CDK19: variants seen among roughly 807,000 people sequenced by gnomAD.
The protein encoded by CDK19 is cyclin dependent kinase 19, also known as cyclin-dependent kinase 19.
Under a neutral mutation model 68.3 loss-of-function variants are expected in CDK19, and 20 were observed. The observed-to-expected ratio is 0.29, with a 90% CI of 0.21 to 0.43. The LOEUF is 0.43. Ranked by LOEUF, CDK19 falls within the 20% of genes least tolerant of loss-of-function variation. CDK19 has a pLI of 1.00. For missense variants in CDK19, 339 were observed against 623.5 expected (o/e 0.54, Z 4.86); for synonymous variants, 221 against 222.8 (o/e 0.99, Z 0.07).
intron 4 of CDK19, among the ~76,000 whole-genome samples, chr6:110,664,040 C>CT (rs1308734954): frequency 7.2e-5 from 11 of 152,262 alleles, no homozygotes; most frequent in African/African-American, 2.6e-4. Flanking sequence ...TGCTCACAAA[C>CT]TGTCAGTACT....
At chr6:110,659,654 T>C (rs1032276709) in intron 4 of CDK19, among the ~76,000 whole-genome samples, 1 of 152,212 alleles carries the variant, frequency 6.6e-6, no homozygotes, top group Non-Finnish European at 1.5e-5. Flanking sequence ...AGTGATAAAT[T>C]CTGGACCTCA....
intron 1 of CDK19, among the ~76,000 whole-genome samples, chr6:110,781,825 G>A (rs1223476583): frequency 6.7e-6 from 1 of 148,168 alleles, no homozygotes; most frequent in African/African-American, 2.5e-5. Context: ...GACAACGTGA[G>A]ACCCTGTCTC....
Position 110,815,223 on chromosome 6 carries a change from T to G in CDK19, c.-87A>C. ...CCTCCCCCCGCGACCGCCGCTCCAC[T>G]TCTCCAACAGCCGCCTCTCGCGCGC... On this transcript the variant is annotated 5_prime_UTR_variant, in exon 1 of 13. Coordinates refer to ENST00000368911, the MANE Select transcript of CDK19 (RefSeq NM_015076.5). 4 of 1,341,206 alleles carry G rather than the reference T, an allele frequency of 3.0e-6. No individual in the cohort carries two copies. Among genetic ancestry groups the G allele is most frequent in the Admixed American group, 3.2e-5 (1 of 30,964 alleles). 83.1% of individuals were successfully genotyped at this position (1,341,206 alleles called of 1,614,324 possible).
At chr6:110,675,633 A>C (rs1027426253) in intron 2 of CDK19, among the ~76,000 whole-genome samples, 1 of 150,298 alleles carries the variant, frequency 6.7e-6, no homozygotes, top group Non-Finnish European at 1.5e-5. Context: ...ATCTCAAAAA[A>C]AAAAAAAAAA....
intron 2 of CDK19, among the ~76,000 whole-genome samples, chr6:110,715,701 G>T (rs2114713321): frequency 6.6e-6 from 1 of 152,238 alleles, no homozygotes; most frequent in Non-Finnish European, 1.5e-5. Context: ...GGTCAGGCTG[G>T]TCTCAAACTC....
intron 4 of CDK19, among the ~76,000 whole-genome samples, chr6:110,651,045 T>C (rs1582780034): frequency 6.6e-6 from 1 of 151,864 alleles, no homozygotes; most frequent in South Asian, 2.1e-4. Flanking sequence ...AGCAAAGAGG[T>C]CAATGTAAGA....
At chr6:110,759,428 A>AATATAAATATAT in intron 1 of CDK19, among the ~76,000 whole-genome samples, 1 of 50,916 alleles carries the variant, frequency 2.0e-5, no homozygotes, top group Non-Finnish European at 3.3e-5. Flanking sequence ...AAAAAAAAAA[A>AATATAAATATAT]ATATATATAT....
At chr6:110,728,248 A>G (rs1418466373) in intron 2 of CDK19, among the ~76,000 whole-genome samples, 8 of 151,108 alleles carry the variant, frequency 5.3e-5, no homozygotes, top group Non-Finnish European at 1.0e-4. Flanking sequence ...AGATTGCACC[A>G]CTGCACTCCA....
chr6:110,744,787 G>T lies in CDK19; in HGVS notation c.204+1339C>A, dbSNP rs545769437. 5.9e-5 allele frequency among the ~76,000 whole-genome samples: 9 copies of T among 152,260 alleles called. No homozygotes were observed. The South Asian group carries it at 1.7e-3, about 28-fold the overall frequency. ...GACCTAATAGTTCCCTTATTTAACA[G>T]ATGAAACTGGAACTGATCACTACTT... On this transcript the variant is annotated intron_variant, in intron 2 of 12. Transcript: ENST00000368911.
In CDK19 at chr6:110,648,926, T is replaced by C. The variant is rs530378909; in HGVS notation, c.457-10220A>G. On this transcript the variant is annotated intron_variant, in intron 4 of 12. Transcript: ENST00000368911. ...TAGAGACGGGGTTTCACCATGTTGG[T>C]CAGGCTGGTCTCGAACTCCTGACCT... 5.2e-3 allele frequency among the ~76,000 whole-genome samples: 795 copies of C among 151,738 alleles called. 6 individuals are homozygous for C. Among genetic ancestry groups the C allele is most frequent in the African/African-American group, 0.019 (773 of 41,368 alleles).
chr6:110,674,109 A>T (rs1293444848), intron 2 of CDK19, among the ~76,000 whole-genome samples: 2 of 152,194 alleles, frequency 1.3e-5, no homozygotes, highest in Non-Finnish European at 2.9e-5. Flanking sequence ...TGTTACAGTG[A>T]TCAGTGATCT....
chr6:110,762,159 C>T (rs1431429936), intron 1 of CDK19, among the ~76,000 whole-genome samples: 1 of 152,182 alleles, frequency 6.6e-6, no homozygotes, highest in Non-Finnish European at 1.5e-5. Flanking sequence ...GAAGGATCCT[C>T]ATTGAAAATA....
intron 5 of CDK19, among the ~76,000 whole-genome samples, chr6:110,637,650 G>T (rs1424394571): frequency 6.6e-6 from 1 of 152,160 alleles, no homozygotes; most frequent in Non-Finnish European, 1.5e-5. Context: ...TTTCTAAAAA[G>T]CATTCAACTT....
intron 3 of CDK19, among the ~76,000 whole-genome samples, chr6:110,669,433 T>C (rs1311573811): frequency 2.0e-5 from 3 of 152,042 alleles, no homozygotes; most frequent in Non-Finnish European, 2.9e-5. Context: ...ACCATAACTG[T>C]GCCATTGCAC....
chr6:110,677,415 A>C (rs1049462608), intron 2 of CDK19, among the ~76,000 whole-genome samples: 1 of 151,922 alleles, frequency 6.6e-6, no homozygotes, highest in Non-Finnish European at 1.5e-5. Flanking sequence ...TACAAAAAAA[A>C]ATTAGCTGGG....
intron 1 of CDK19, among the ~76,000 whole-genome samples, chr6:110,784,646 G>C (rs1054885527): frequency 6.6e-6 from 1 of 152,038 alleles, no homozygotes; most frequent in Non-Finnish European, 1.5e-5. Context: ...ATATACCCAA[G>C]AGAACTGAAA....
intron 1 of CDK19, among the ~76,000 whole-genome samples, chr6:110,755,861 G>A (rs1250159112): frequency 6.6e-6 from 1 of 152,116 alleles, no homozygotes; most frequent in South Asian, 2.1e-4. Flanking sequence ...CAGAGGCAGG[G>A]GGATCAATGT....
At chr6:110,807,501 C>A (rs1782760201) in intron 1 of CDK19, among the ~76,000 whole-genome samples, 1 of 152,092 alleles carries the variant, frequency 6.6e-6, no homozygotes. Context: ...ACTCTGTCAC[C>A]CAGGCTGGAG....
intron 1 of CDK19, among the ~76,000 whole-genome samples, chr6:110,779,969 C>A (rs1780676054): frequency 1.3e-5 from 2 of 152,024 alleles, no homozygotes; most frequent in South Asian, 2.1e-4. Flanking sequence ...CCTGTAATCC[C>A]AGCACTTCAG....
Sources: allele counts gnomAD v4.1 joint callset (sites outside exome capture counted in the v4.1 genomes callset), GRCh38; gene constraint gnomAD v4.1.1; transcripts MANE v1.5; gene names NCBI Gene and HGNC (gene_info 2026-07-23, HGNC 2026-07-21).